The following PRKN variants were observed in gnomAD, a reference collection of about 807,000 sequenced individuals.
PRKN encodes the protein E3 ubiquitin-protein ligase parkin.
PRKN carries 56 observed loss-of-function variants against 59.5 expected under a neutral mutation model. The ratio of observed to expected loss-of-function variants is 0.94; its 90% CI spans 0.76 to 1.18. The LOEUF (loss-of-function observed/expected upper bound fraction) is 1.18, where lower values mean the gene tolerates loss of function less well. Among genes scored for constraint, PRKN ranks in the 50% most tolerant of loss-of-function variants. The pLI, the probability that PRKN is intolerant of heterozygous loss-of-function variation, is 0.00. For synonymous variants in PRKN, 250 were observed against 222.1 expected (o/e 1.13, Z -1.12); for missense variants, 657 against 596.4 (o/e 1.10, Z -1.06).
At chr6:161,867,030 A>G (rs1320827177) in intron 6 of PRKN, among the ~76,000 whole-genome samples, 1 of 152,194 alleles carries the variant, frequency 6.6e-6, no homozygotes, top group Non-Finnish European at 1.5e-5. Context: ...AGGGGCCCAC[A>G]TGATGAGCCT....
intron 7 of PRKN, among the ~76,000 whole-genome samples, chr6:161,609,019 A>G (rs1782390045): frequency 6.6e-6 from 1 of 152,186 alleles, no homozygotes; most frequent in Non-Finnish European, 1.5e-5. Context: ...AGAAAATTCC[A>G]AAGACAGTAG....
chr6:162,572,498 G>A (rs961480996), intron 1 of PRKN, among the ~76,000 whole-genome samples: 24 of 152,154 alleles, frequency 1.6e-4, no homozygotes, highest in Non-Finnish European at 5.9e-5. Flanking sequence ...CACAGCATCC[G>A]AATTACTATC....
chr6:161,758,345 G>T (rs1329089426), intron 7 of PRKN, among the ~76,000 whole-genome samples: 1 of 152,096 alleles, frequency 6.6e-6, no homozygotes, highest in Admixed American at 6.6e-5. Context: ...GCAGTGGAAA[G>T]GATAAGCAAA....
chr6:162,148,329 C>T (rs1413758997), intron 4 of PRKN, among the ~76,000 whole-genome samples: 1 of 151,860 alleles, frequency 6.6e-6, no homozygotes, highest in Non-Finnish European at 1.5e-5. Context: ...TCTGCAAAGG[C>T]TGATGACTTC....
chr6:162,709,365 G>T (rs994878100), intron 1 of PRKN, among the ~76,000 whole-genome samples: 2 of 107,086 alleles, frequency 1.9e-5, no homozygotes, highest in Admixed American at 1.2e-4. Flanking sequence ...AGACATCAAG[G>T]GTCTGAACAC....
chr6:161,829,990 T>C (rs1475463119), intron 6 of PRKN, among the ~76,000 whole-genome samples: 1 of 152,200 alleles, frequency 6.6e-6, no homozygotes, highest in Non-Finnish European at 1.5e-5. Context: ...CATATTCATG[T>C]TGGTGCCCTG....
At chr6:162,078,078 A>C (rs557431017) in intron 4 of PRKN, among the ~76,000 whole-genome samples, 1 of 151,850 alleles carries the variant, frequency 6.6e-6, no homozygotes, top group South Asian at 2.1e-4. Flanking sequence ...ATTATAGCAT[A>C]TGGGATAAGT....
At chr6:162,583,253 A>T (rs2128211822) in intron 1 of PRKN, among the ~76,000 whole-genome samples, 1 of 152,280 alleles carries the variant, frequency 6.6e-6, no homozygotes, top group South Asian at 2.1e-4. Context: ...TTTGCACATT[A>T]CCTAGTCTGT....
At position 161,425,593 on chromosome 6, in the gene PRKN, A is replaced by C. The variant is rs1476691499; in HGVS notation, c.1084-38716T>G. Among the ~76,000 whole-genome samples, 4 of 152,098 alleles carry C rather than the reference A, an allele frequency of 2.6e-5. No individual in the cohort carries two copies. The East Asian group carries it at 7.7e-4, about 29-fold the overall frequency. ...ATCCACAGATTTTCATTTCTGATGC[A>C]CCAGATCAAGGACTAGTCCCCCTTG... On this transcript the variant is annotated intron_variant, in intron 9 of 11. Transcript: ENST00000366898.
intron 1 of PRKN, among the ~76,000 whole-genome samples, chr6:162,558,078 C>G (rs1779682796): frequency 6.6e-6 from 1 of 152,170 alleles, no homozygotes; most frequent in Non-Finnish European, 1.5e-5. Context: ...ATCTATATCT[C>G]TCCTTTTAAA....
intron 9 of PRKN, among the ~76,000 whole-genome samples, chr6:161,500,876 C>CTTTTTTT (rs34247928): frequency 1.7e-5 from 2 of 115,408 alleles, no homozygotes; most frequent in African/African-American, 3.5e-5. Flanking sequence ...TTTTTTTTTT[C>CTTTTTTT]TTTTTTTTTT....
At chr6:161,478,376 A>G (rs1423391177) in intron 9 of PRKN, among the ~76,000 whole-genome samples, 3 of 152,212 alleles carry the variant, frequency 2.0e-5, no homozygotes, top group Non-Finnish European at 4.4e-5. Context: ...ATGCAGAATT[A>G]TATTATTGCA....
In PRKN at chr6:161,548,627, A is replaced by G. The variant is rs554768434; in HGVS notation, c.1083+227T>C. The G allele has an allele frequency of 1.8e-6, 1 of 546,070 alleles. No individual in the cohort carries two copies. Among genetic ancestry groups the G allele is most frequent in the South Asian group, 2.5e-5 (1 of 39,874 alleles). The allele number at this position is 546,070 out of a possible 1,614,324, so 33.8% of individuals were successfully genotyped here. On this transcript the variant is annotated intron_variant, in intron 9 of 11. Transcript: ENST00000366898. This position sits in a 1 kb window ranked among gnomAD's most constrained non-coding sequence, Gnocchi z 4.2. ...TCTTAAAGTAAATACTTCCATAAGCAACCAAAGCAGAAAATCTTCATATAA... is the reference window on the plus strand; with the variant it reads ...TCTTAAAGTAAATACTTCCATAAGCGACCAAAGCAGAAAATCTTCATATAA...
intron 9 of PRKN, among the ~76,000 whole-genome samples, chr6:161,531,967 G>A (rs1779228800): frequency 6.6e-6 from 1 of 152,018 alleles, no homozygotes; most frequent in Non-Finnish European, 1.5e-5. Context: ...GGCACTACAA[G>A]GAAATTAGAT....
At chr6:162,475,716 ATTT>A (rs1791976230) in intron 1 of PRKN, among the ~76,000 whole-genome samples, 2 of 150,684 alleles carry the variant, frequency 1.3e-5, no homozygotes, top group Non-Finnish European at 2.9e-5. Context: ...CTATTTATTT[ATTT>A]ACGCCTCTGG....
In PRKN at chr6:161,561,342, A is replaced by G. The variant is rs181302741; in HGVS notation, c.933+8013T>C. Among the ~76,000 whole-genome samples, 8 of 152,264 alleles carry G rather than the reference A, an allele frequency of 5.3e-5. No homozygotes were observed. The highest frequency in any genetic ancestry group is 3.9e-4 in the Admixed American group (6 of 15,296). Reference sequence around the variant, plus strand: ...ACCAATTTTTTGGTTCCTAAGACCAATGTAGGTAGGACCTGCCTCTCTCCA... The same window carrying G: ...ACCAATTTTTTGGTTCCTAAGACCAGTGTAGGTAGGACCTGCCTCTCTCCA... On this transcript the variant is annotated intron_variant, in intron 8 of 11. Coordinates refer to ENST00000366898, the MANE Select transcript of PRKN (RefSeq NM_004562.3). This position sits in a 1 kb window ranked among gnomAD's most constrained non-coding sequence, Gnocchi z 5.0.
chr6:162,709,454 G>C (rs1012177606), intron 1 of PRKN, among the ~76,000 whole-genome samples: 2 of 151,640 alleles, frequency 1.3e-5, no homozygotes, highest in African/African-American at 4.9e-5. Context: ...CTCTCCCCTT[G>C]GACAAACAGC....
intron 7 of PRKN, among the ~76,000 whole-genome samples, chr6:161,604,169 A>G (rs1249736573): frequency 6.6e-6 from 1 of 151,606 alleles, no homozygotes; most frequent in Non-Finnish European, 1.5e-5. Flanking sequence ...ATGATAAGCT[A>G]CGTTAATATA....
rs1786369988 is a variant in PRKN, at chr6:161,388,636, C to G, written c.1084-1759G>C. 1.3e-5 allele frequency among the ~76,000 whole-genome samples: 2 copies of G among 152,164 alleles called. No individual in the cohort carries two copies. Among genetic ancestry groups the G allele is most frequent in the African/African-American group, 4.8e-5 (2 of 41,442 alleles). ...GCCAGATGTGTTGAGTACTTGACTC[C>G]TAGAATATGGTAGAAATGATGGTGT... is the stretch of plus-strand genomic sequence containing the variant. On this transcript the variant is annotated intron_variant, in intron 9 of 11. Transcript: ENST00000366898. This position sits in a 1 kb window ranked among gnomAD's most constrained non-coding sequence, Gnocchi z 4.3.
Sources: gnomAD v4.1 joint callset for allele counts (sites outside exome capture counted in the v4.1 genomes callset) on GRCh38, gnomAD v4.1.1 for gene constraint, Gnocchi (gnomAD v3.1) non-coding constraint, MANE v1.5 for transcripts, NCBI Gene and HGNC (gene_info 2026-07-23, HGNC 2026-07-21) for gene names.